Variants in WNK3 observed in about 807,000 individuals in gnomAD.
The protein encoded by WNK3 is WNK lysine deficient protein kinase 3, also known as serine/threonine-protein kinase WNK3.
WNK3 carries 18 observed loss-of-function variants against 116.7 expected under a neutral mutation model. The ratio of observed to expected loss-of-function variants is 0.15; its 90% CI spans 0.11 to 0.23. The LOEUF is 0.23. WNK3 is among the 10% of genes least tolerant of loss of function. WNK3 has a pLI of 1.00. For synonymous variants in WNK3, 404 were observed against 469.4 expected, an observed-to-expected ratio of 0.86 and a Z score of 1.80; for missense variants, 993 against 1,323.8, an observed-to-expected ratio of 0.75 and a Z score of 3.88.
chrX:54,314,899 C>T (rs1384360490), intron 2 of WNK3, among the ~76,000 whole-genome samples: 1 of 111,313 alleles, frequency 9.0e-6, no homozygotes, highest in Non-Finnish European at 1.9e-5. Context: ...TCTACTCGTT[C>T]TCCCTACTTC....
In WNK3 at chrX:54,313,066, AATTTTC is replaced by A. The variant is rs782615406; in HGVS notation, c.538-1781_538-1776del. Reference sequence around the variant, plus strand: ...TCTTTTTCATTGCTTTCTAGTTTATAATTTTCATTTTCATTTTCATTTTCAGTTTTC... The same window carrying A: ...TCTTTTTCATTGCTTTCTAGTTTATAATTTTCATTTTCATTTTCAGTTTTC... On this transcript the variant is annotated intron_variant, in intron 2 of 23. Transcript: ENST00000354646. 1.1e-3 allele frequency among the ~76,000 whole-genome samples: 127 copies of A among 110,470 alleles called. 1 individual carries two copies. The highest frequency in any genetic ancestry group is 5.1e-3 in the East Asian group (18 of 3,552).
At chrX:54,357,833 A>G (rs1395604471) in exon 1 of WNK3, 1 of 112,637 alleles carries the variant, frequency 8.9e-6, no homozygotes, top group African/African-American at 3.2e-5. Context: ...GCCTCCTCCG[A>G]TGCTTCTTAC....
intron 10 of WNK3, among the ~76,000 whole-genome samples, chrX:54,268,990 G>C (rs1257261905): frequency 9.0e-6 from 1 of 111,485 alleles, no homozygotes; most frequent in Non-Finnish European, 1.9e-5. Flanking sequence ...GGCCCCACTT[G>C]AACCAAGTAA....
intron 10 of WNK3, among the ~76,000 whole-genome samples, 182 bp downstream of exon 10, chrX:54,292,706 C>CAAAAA (rs1180750751): frequency 1.8e-4 from 4 of 22,467 alleles, no homozygotes; most frequent in Admixed American, 5.0e-4. Flanking sequence ...CACTCCACCT[C>CAAAAA]AAAAAAAAAA....
chrX:54,321,875 G>A (rs2069039858), intron 2 of WNK3, among the ~76,000 whole-genome samples: 1 of 108,300 alleles, frequency 9.2e-6, no homozygotes, highest in African/African-American at 3.4e-5. Flanking sequence ...CAGGAAATTC[G>A]CTTGACCCGG....
At chrX:54,225,194 T>G (rs2067820896) in intron 22 of WNK3, among the ~76,000 whole-genome samples, 1 of 108,759 alleles carries the variant, frequency 9.2e-6, no homozygotes, top group Non-Finnish European at 1.9e-5. Flanking sequence ...GAGGCTGCAG[T>G]GAACAATGAT....
chrX:54,295,483 C>A (rs1384127978), intron 7 of WNK3, among the ~76,000 whole-genome samples: 1 of 111,522 alleles, frequency 9.0e-6, no homozygotes, highest in African/African-American at 3.3e-5. Flanking sequence ...CCTCATTCAG[C>A]AACATTAAGT....
At chrX:54,296,814 C>T (rs1184289842) in intron 7 of WNK3, among the ~76,000 whole-genome samples, 1 of 110,732 alleles carries the variant, frequency 9.0e-6, no homozygotes, top group African/African-American at 3.3e-5. Context: ...AGCACTGCAG[C>T]TGCCTGGAGC....
chrX:54,261,098 C>G (rs1454871284), intron 10 of WNK3, among the ~76,000 whole-genome samples: 1 of 109,744 alleles, frequency 9.1e-6, no homozygotes, highest in Non-Finnish European at 1.9e-5. Flanking sequence ...TGGGTTCATC[C>G]AATCTTGGAT....
chrX:54,224,723 C>T (rs1410361038), intron 22 of WNK3, among the ~76,000 whole-genome samples: 1 of 109,713 alleles, frequency 9.1e-6, no homozygotes, highest in African/African-American at 3.3e-5. Flanking sequence ...GCGCCCGCCA[C>T]CACACTGGGC....
At chrX:54,333,866 T>C (rs2069201656) in intron 1 of WNK3, 74 bp from the exon 2 acceptor site, 2 of 413,231 alleles carry the variant, frequency 4.8e-6, no homozygotes, top group Non-Finnish European at 8.3e-6. Flanking sequence ...AATCACCTGA[T>C]TTTTTAATCC....
chrX:54,195,421 T>G (rs1179914076), exon 24 of WNK3: 1 of 111,484 alleles, frequency 9.0e-6, no homozygotes, highest in Admixed American at 9.6e-5. Flanking sequence ...TACCTCAAGT[T>G]AATTATTTCT....
At chrX:54,292,748 A>G in intron 10 of WNK3, 140 bp downstream of exon 10, 1 of 533,703 alleles carries the variant, frequency 1.9e-6, no homozygotes, top group Non-Finnish European at 2.9e-6. Flanking sequence ...TGGGTGAAGG[A>G]AAGCATAAAC....
chrX:54,270,417 T>C lies in WNK3; in HGVS notation c.2038-11079A>G, dbSNP rs2068368078. ...CCGGCCTCTTTTTTTTTTTTTTTTT[T>C]CTTTGAGACAGAGTTTCTTTCTTGT... On this transcript the variant is annotated intron_variant, in intron 10 of 23. Transcript: ENST00000354646. Among the ~76,000 whole-genome samples the C allele has an allele frequency of 2.9e-5, 3 of 103,562 alleles. No individual in the cohort carries two copies. The Admixed American group carries it at 3.1e-4, about 11-fold the overall frequency. The allele number at this position is 103,562 out of a possible 115,157, so 89.9% of individuals were successfully genotyped here.
chrX:54,228,438 T>A (rs1449412897), intron 22 of WNK3, among the ~76,000 whole-genome samples: 1 of 111,887 alleles, frequency 8.9e-6, no homozygotes, highest in South Asian at 3.8e-4. Context: ...TGTTTCAGCA[T>A]AGGCAAATCT....
intron 10 of WNK3, among the ~76,000 whole-genome samples, chrX:54,282,224 T>C (rs1603389462): frequency 9.1e-6 from 1 of 109,462 alleles, no homozygotes; most frequent in East Asian, 2.9e-4. Flanking sequence ...AATTTTTTTG[T>C]AGAGACGAGG....
intron 10 of WNK3, among the ~76,000 whole-genome samples, chrX:54,263,195 T>G (rs943967565): frequency 9.0e-6 from 1 of 111,405 alleles, no homozygotes; most frequent in Admixed American, 9.6e-5. Flanking sequence ...ATGTACAACA[T>G]CCCAGAGATT....
At chrX:54,271,322 G>GA in intron 10 of WNK3, among the ~76,000 whole-genome samples, 1 of 111,316 alleles carries the variant, frequency 9.0e-6, no homozygotes, top group Admixed American at 9.6e-5. Context: ...ATGTAGATGG[G>GA]AAAAAAAGAC....
intron 10 of WNK3, among the ~76,000 whole-genome samples, chrX:54,275,968 A>C (rs1304117853): frequency 9.0e-6 from 1 of 111,262 alleles, no homozygotes; most frequent in Non-Finnish European, 1.9e-5. Flanking sequence ...AATGATAAAA[A>C]GATCAATCCA....
Sources: allele counts gnomAD v4.1 joint callset (sites outside exome capture counted in the v4.1 genomes callset), GRCh38; gene constraint gnomAD v4.1.1; transcripts MANE v1.5; gene names NCBI Gene and HGNC (gene_info 2026-07-23, HGNC 2026-07-21).